The following GRM7 variants were observed in gnomAD, a reference collection of about 807,000 sequenced individuals.
GRM7 encodes the protein metabotropic glutamate receptor 7.
In GRM7, 35 loss-of-function variants were observed where a neutral mutation model predicts 84.5. That is an observed-to-expected ratio of 0.41 (90% CI 0.32 to 0.55). The LOEUF is 0.55. Among genes scored for constraint, GRM7 ranks in the 20% least tolerant of loss-of-function variants. The pLI is 0.19. For missense variants in GRM7, 1,003 were observed against 1,194.6 expected (o/e 0.84, Z 2.36); for synonymous variants, 487 against 455.1 (o/e 1.07, Z -0.89).
intron 1 of GRM7, among the ~76,000 whole-genome samples, chr3:7,038,706 TA>T (rs2124937549): frequency 6.6e-6 from 1 of 152,334 alleles, no homozygotes; most frequent in South Asian, 2.1e-4. Context: ...AGCATGGTTC[TA>T]ATGCTGTGAA....
chr3:7,118,545 A>G (rs772931231), intron 1 of GRM7, among the ~76,000 whole-genome samples: 1 of 151,124 alleles, frequency 6.6e-6, no homozygotes, highest in African/African-American at 2.4e-5. Flanking sequence ...TGCTGTTGAT[A>G]TAGCATAAAG....
intron 1 of GRM7, among the ~76,000 whole-genome samples, chr3:6,885,624 G>A (rs9870018): frequency 0.22 from 33,368 of 152,026 alleles, 3,908 homozygotes; most frequent in Non-Finnish European, 0.26. Context: ...TCCCATGTCC[G>A]GTGCAAATGT....
rs552515441 is a variant in GRM7 at position 7,637,669 on chromosome 3, G to A, written c.2452-42380G>A. Among the ~76,000 whole-genome samples, 28 of 152,290 alleles carry A rather than the reference G, an allele frequency of 1.8e-4. No homozygotes were observed. The South Asian group carries it at 5.6e-3, about 30-fold the overall frequency. The stretch of plus-strand genomic sequence containing the variant: ...ATTTTACACAAACACACCTACCTGC[G>A]GACACGCTCATGGCAGACCACTGGC... On this transcript the variant is annotated intron_variant, in intron 8 of 9. Coordinates refer to ENST00000357716, the MANE Select transcript of GRM7 (RefSeq NM_000844.4).
intron 4 of GRM7, among the ~76,000 whole-genome samples, chr3:7,339,665 C>G (rs923264926): frequency 6.6e-6 from 1 of 152,002 alleles, no homozygotes; most frequent in African/African-American, 2.4e-5. Context: ...AGGAATTGAT[C>G]CAAGGGAAAT....
chr3:7,150,738 A>C (rs1023651405), intron 2 of GRM7, among the ~76,000 whole-genome samples: 1 of 152,248 alleles, frequency 6.6e-6, no homozygotes, highest in African/African-American at 2.4e-5. Flanking sequence ...TGTGCTTTAA[A>C]ATTCAGGTCA....
chr3:7,280,652 A>G (rs999295291), intron 2 of GRM7, among the ~76,000 whole-genome samples: 1 of 152,260 alleles, frequency 6.6e-6, no homozygotes, highest in African/African-American at 2.4e-5. Context: ...GGCATATAGT[A>G]CAAGCTCAGA....
chr3:7,376,904 A>T (rs944796807), intron 4 of GRM7, among the ~76,000 whole-genome samples: 6 of 152,208 alleles, frequency 3.9e-5, no homozygotes, highest in African/African-American at 1.4e-4. Context: ...TCTGCCTACC[A>T]GTGCATCTAC....
chr3:7,666,511 G>C (rs990235472), intron 8 of GRM7, among the ~76,000 whole-genome samples: 1 of 152,130 alleles, frequency 6.6e-6, no homozygotes, highest in African/African-American at 2.4e-5. Flanking sequence ...TTTGGAGGGA[G>C]GCAAAAAATG....
chr3:7,343,133 G>A (rs1033371533), intron 4 of GRM7, among the ~76,000 whole-genome samples: 10 of 152,130 alleles, frequency 6.6e-5, no homozygotes, highest in Admixed American at 2.0e-4. Context: ...ACACCCAGAC[G>A]TAGAATAACA....
At chr3:7,213,500 A>G (rs2124853029) in intron 2 of GRM7, among the ~76,000 whole-genome samples, 1 of 152,346 alleles carries the variant, frequency 6.6e-6, no homozygotes, top group African/African-American at 2.4e-5. Context: ...ACGCAAATAC[A>G]TCATAGGCAT....
intron 2 of GRM7, among the ~76,000 whole-genome samples, chr3:7,160,217 A>C (rs1428633081): frequency 1.3e-5 from 2 of 152,290 alleles, no homozygotes; most frequent in East Asian, 1.9e-4. Flanking sequence ...AACCTGGGCC[A>C]GTCTATATTC....
chr3:7,107,876 G>A (rs1692708245), intron 1 of GRM7, among the ~76,000 whole-genome samples: 1 of 151,996 alleles, frequency 6.6e-6, no homozygotes, highest in African/African-American at 2.4e-5. Flanking sequence ...TAAGAGGTAG[G>A]ACATTGCCAA....
intron 4 of GRM7, among the ~76,000 whole-genome samples, chr3:7,385,211 AATTTAT>A (rs979595495): frequency 1.3e-5 from 2 of 151,294 alleles, no homozygotes; most frequent in African/African-American, 4.9e-5. Context: ...CTCTTAATAT[AATTTAT>A]ATTTATTTAA....
chr3:7,559,352 C>G (rs1143739), intron 7 of GRM7: 1 of 151,726 alleles, frequency 6.6e-6, no homozygotes, highest in Non-Finnish European at 1.5e-5. Context: ...AGGTGTGTAC[C>G]CTATATTTAT....
intron 2 of GRM7, among the ~76,000 whole-genome samples, chr3:7,266,772 C>A (rs1698657550): frequency 6.6e-6 from 1 of 152,156 alleles, no homozygotes; most frequent in Admixed American, 6.5e-5. Context: ...TGTACTTGAA[C>A]CTAAACTTAC....
chr3:7,589,735 T>C (rs989948521), intron 8 of GRM7, among the ~76,000 whole-genome samples: 12 of 152,152 alleles, frequency 7.9e-5, no homozygotes, highest in Admixed American at 7.2e-4. Context: ...ACTGCAGTTG[T>C]TGGGAAAAGA....
chr3:7,320,883 G>A (rs183400317), intron 4 of GRM7, among the ~76,000 whole-genome samples: 1 of 152,110 alleles, frequency 6.6e-6, no homozygotes, highest in African/African-American at 2.4e-5. Flanking sequence ...CTCTGTAGAT[G>A]TAATTTCTGA....
At chr3:7,523,985 G>A (rs1700696256) in intron 7 of GRM7, among the ~76,000 whole-genome samples, 1 of 152,054 alleles carries the variant, frequency 6.6e-6, no homozygotes, top group East Asian at 1.9e-4. Flanking sequence ...GCATCAAAAA[G>A]CCCCTCTTCT....
chr3:7,305,351 T>TTGTCAGCTTA lies in GRM7; in HGVS notation c.879-1146_879-1145insGTCAGCTTAT, dbSNP rs1160900806. ...GCTGCTTTTTTTTTTTTCTTTTTTTTTTTTTTTAATTATACTTTAAGTTTT... is the reference window on the plus strand; with the variant it reads ...GCTGCTTTTTTTTTTTTCTTTTTTTTTGTCAGCTTATTTTTTTAATTATACTTTAAGTTTT... On this transcript the variant is annotated intron_variant, in intron 3 of 9. Transcript: ENST00000357716. Among the ~76,000 whole-genome samples the TTGTCAGCTTA allele has an allele frequency of 9.3e-4, 42 of 45,086 alleles. 1 individual carries two copies. The highest frequency in any genetic ancestry group is 2.5e-3 in the South Asian group (3 of 1,178). 29.6% of individuals were successfully genotyped at this position (45,086 alleles called of 152,430 possible). A position where few individuals can be genotyped will look rare whatever the true frequency, so the allele number is the denominator to read the frequency against.
Sources: gnomAD v4.1 joint callset for allele counts (sites outside exome capture counted in the v4.1 genomes callset) on GRCh38, gnomAD v4.1.1 for gene constraint, MANE v1.5 for transcripts, NCBI Gene and HGNC (gene_info 2026-07-23, HGNC 2026-07-21) for gene names.